Variants in SDC1 observed in about 807,000 individuals in gnomAD.
SDC1 encodes the protein syndecan-1.
Under a neutral mutation model 29.7 loss-of-function variants are expected in SDC1, and 14 were observed. The ratio of observed to expected loss-of-function variants is 0.47; its 90% CI spans 0.31 to 0.74. The LOEUF (loss-of-function observed/expected upper bound fraction) is 0.74, where lower values mean the gene tolerates loss of function less well. Among genes scored for constraint, SDC1 ranks in the 30% least tolerant of loss-of-function variants. The pLI is 0.05. For synonymous variants in SDC1, 204 were observed against 175.5 expected (o/e 1.16, Z -1.29); for missense variants, 406 against 400.3 (o/e 1.01, Z -0.12).
At chr2:20,215,726 G>C (rs991169923) in intron 1 of SDC1, among the ~76,000 whole-genome samples, 1 of 152,238 alleles carries the variant, frequency 6.6e-6, no homozygotes, top group Non-Finnish European at 1.5e-5. Flanking sequence ...CTGAGGCTGG[G>C]GTAGGTGAAG....
intron 1 of SDC1, among the ~76,000 whole-genome samples, chr2:20,216,533 A>G (rs370007892): frequency 2.6e-4 from 39 of 152,258 alleles, no homozygotes; most frequent in African/African-American, 8.7e-4. Context: ...CTGGAACACT[A>G]CAGATAAGAT....
At chr2:20,218,834 GAC>G (rs544604505) in intron 1 of SDC1, among the ~76,000 whole-genome samples, 2 of 149,952 alleles carry the variant, frequency 1.3e-5, no homozygotes, top group Non-Finnish European at 3.0e-5. Context: ...CACACACACA[GAC>G]ACACACACAC....
At chr2:20,208,410 G>T (rs1035823671) in intron 1 of SDC1, among the ~76,000 whole-genome samples, 1 of 152,214 alleles carries the variant, frequency 6.6e-6, no homozygotes, top group African/African-American at 2.4e-5. Context: ...GCCTCCGGGG[G>T]CCTCTCCCCT....
rs768432715 is a variant in SDC1, at chr2:20,202,887, A to G, written c.812T>C (p.Val271Ala). 6.2e-7 allele frequency: 1 copy of G among 1,613,448 alleles called. No homozygotes were observed. Among genetic ancestry groups the G allele is most frequent in the Admixed American group, 1.7e-5 (1 of 59,978 alleles). The change falls in exon 5 of 5, where the codon GTG becomes GCG. Residue 271 changes from valine to alanine, a missense_variant. Val to Ala is a moderately conservative substitution (Grantham distance 64). Coordinates refer to ENST00000254351, the MANE Select transcript of SDC1 (RefSeq NM_002997.5). ...CTTCATGCGGTACAGCATGAAACCC[A>G]CCAGGCACACAGCAAAGATGAGCCC... ...LVGLIFAVCL[V>A]GFMLYRMKKK...
chr2:20,204,226 T>A lies in SDC1; in HGVS notation c.214A>T (p.Thr72Ser). ...GGTTCTGGAGACGTGGGAATAGCCG[T>A]CAGGAGCTGCGTGTCCTTCCAAGTG... is the stretch of plus-strand genomic sequence containing the variant. Reference protein sequence around the residue: ...PSTWKDTQLLTAIPTSPEPTG... With the variant: ...PSTWKDTQLLSAIPTSPEPTG... Residue 72 changes from threonine (T) to serine (S), a missense_variant, in exon 3 of 5, where the codon ACG becomes TCG. Coordinates refer to ENST00000254351, the MANE Select transcript of SDC1 (RefSeq NM_002997.5). 2 of 1,594,736 alleles carry A rather than the reference T, an allele frequency of 1.3e-6. No individual in the cohort carries two copies. The highest frequency in any genetic ancestry group is 1.7e-6 in the Non-Finnish European group (2 of 1,177,364).
rs900295282 is a variant in SDC1 at position 20,220,770 on chromosome 2, T to C, written c.66+4032A>G. ...TAGTGGCAGAGTTGAGACTCAGTCC[T>C]GGGGCTCTACTTAATCCAAAGCCAT... On this transcript the variant is annotated intron_variant, in intron 1 of 4. Coordinates refer to ENST00000254351, the MANE Select transcript of SDC1 (RefSeq NM_002997.5). Among the ~76,000 whole-genome samples the C allele has an allele frequency of 6.6e-5, 10 of 152,208 alleles. No individual in the cohort carries two copies. In the South Asian group the frequency reaches 8.3e-4, roughly 13 times the overall value.
chr2:20,210,830 G>C (rs980805177), intron 1 of SDC1, among the ~76,000 whole-genome samples: 1 of 152,146 alleles, frequency 6.6e-6, no homozygotes, highest in Non-Finnish European at 1.5e-5. Flanking sequence ...TGAGGCAGGA[G>C]GGCCCATGGT....
rs1371820281 is a variant in SDC1, at chr2:20,218,666, TACACACGGACAC to T, written c.66+6124_66+6135del. On this transcript the variant is annotated intron_variant, in intron 1 of 4. Coordinates refer to ENST00000254351, the MANE Select transcript of SDC1 (RefSeq NM_002997.5). ...ACACACACACACACAGAGACACACGTACACACGGACACACACACGGACGCACACAAACACAAA... is the reference window on the plus strand; with the variant it reads ...ACACACACACACACAGAGACACACGTACACACGGACGCACACAAACACAAA... Among the ~76,000 whole-genome samples, 639 of 131,548 alleles carry T rather than the reference TACACACGGACAC, an allele frequency of 4.9e-3. 8 individuals are homozygous for T. Among genetic ancestry groups the T allele is most frequent in the African/African-American group, 0.02 (599 of 30,190 alleles). 86.3% of individuals were successfully genotyped at this position (131,548 alleles called of 152,430 possible).
At chr2:20,205,078 A>G (rs1455558417) in intron 2 of SDC1, among the ~76,000 whole-genome samples, 2 of 152,242 alleles carry the variant, frequency 1.3e-5, no homozygotes, top group East Asian at 3.9e-4. Flanking sequence ...CCTAGTGAAT[A>G]TGAGCCTGCG....
At chr2:20,215,940 C>T (rs951356000) in intron 1 of SDC1, among the ~76,000 whole-genome samples, 2 of 152,246 alleles carry the variant, frequency 1.3e-5, no homozygotes, top group African/African-American at 4.8e-5. Flanking sequence ...GGCAGGAAGG[C>T]CCAGGCCTTC....
intron 1 of SDC1, among the ~76,000 whole-genome samples, chr2:20,216,685 G>A (rs1290997154): frequency 6.6e-6 from 1 of 152,190 alleles, no homozygotes; most frequent in East Asian, 1.9e-4. Flanking sequence ...ACTGGTATTG[G>A]TAGCATGGGA....
intron 1 of SDC1, chr2:20,208,229 C>T (rs903624706): frequency 1.5e-5 from 7 of 453,232 alleles, no homozygotes; most frequent in Admixed American, 6.4e-5. Context: ...GGCCCCAACA[C>T]GTTAGCAGTT....
At chr2:20,205,319 G>C (rs1222574503) in intron 2 of SDC1, 24 bp downstream of exon 2, 3 of 1,600,584 alleles carry the variant, frequency 1.9e-6, no homozygotes, top group Admixed American at 1.7e-5. Context: ...TCTTGGGTGG[G>C]GGGGGCCCCC....
chr2:20,218,020 C>T (rs2148295017), intron 1 of SDC1, among the ~76,000 whole-genome samples: 1 of 152,322 alleles, frequency 6.6e-6, no homozygotes, highest in Non-Finnish European at 1.5e-5. Context: ...GGGCAACCAA[C>T]TCTCCTTCGA....
At chr2:20,216,365 T>A (rs1299668555) in intron 1 of SDC1, among the ~76,000 whole-genome samples, 1 of 152,100 alleles carries the variant, frequency 6.6e-6, no homozygotes, top group Admixed American at 6.5e-5. Context: ...CGATACCCCA[T>A]CCTGGAAGAG....
intron 4 of SDC1, 66 bp downstream of exon 4, chr2:20,203,021 G>T: frequency 1.3e-6 from 2 of 1,566,150 alleles, no homozygotes; most frequent in Non-Finnish European, 1.7e-6. Context: ...CCTTGGCTGT[G>T]GTCAGCCCCA....
rs1677042775 is a variant in SDC1, at chr2:20,202,331, C to G, written c.*435G>C. 1 of 773,316 alleles carries G rather than the reference C, an allele frequency of 1.3e-6. No homozygotes were observed. Among genetic ancestry groups the G allele is most frequent in the South Asian group, 1.4e-5 (1 of 73,150 alleles). 47.9% of individuals were successfully genotyped at this position (773,316 alleles called of 1,614,324 possible). A position where few individuals can be genotyped will look rare whatever the true frequency, so the allele number is the denominator to read the frequency against. ...TGTCCCCTGCCACTCAGCGGCCACC[C>G]CCCCAAGATGCTTGGTCCTACCAGT... On this transcript the variant is annotated 3_prime_UTR_variant, in exon 5 of 5. Coordinates refer to ENST00000254351, the MANE Select transcript of SDC1 (RefSeq NM_002997.5).
Position 20,225,049 on chromosome 2 carries a change from G to T in SDC1, c.-182C>A. 1.4e-6 allele frequency: 1 copy of T among 701,562 alleles called. No homozygotes were observed. The highest frequency in any genetic ancestry group is 7.2e-5 in the South Asian group (1 of 13,890). 43.5% of individuals were successfully genotyped at this position (701,562 alleles called of 1,614,324 possible). The stretch of plus-strand genomic sequence containing the variant: ...CTACTGCCGGATTCCTCTCCGCTCG[G>T]CTCGGATTCGGCCCGCACCTCTCCC... On this transcript the variant is annotated 5_prime_UTR_variant, in exon 1 of 5. Coordinates refer to ENST00000254351, the MANE Select transcript of SDC1 (RefSeq NM_002997.5).
intron 1 of SDC1, among the ~76,000 whole-genome samples, chr2:20,208,691 C>G (rs1465521936): frequency 6.6e-6 from 1 of 152,184 alleles, no homozygotes; most frequent in Non-Finnish European, 1.5e-5. Flanking sequence ...GGTAGCTCTC[C>G]CCAGCATCAT....
Sources: gnomAD v4.1 joint callset for allele counts (sites outside exome capture counted in the v4.1 genomes callset) on GRCh38, gnomAD v4.1.1 for gene constraint, MANE v1.5 for transcripts, NCBI Gene and HGNC (gene_info 2026-07-23, HGNC 2026-07-21) for gene names.